Variants in DIP2C observed in about 807,000 individuals in gnomAD.
DIP2C encodes the protein DIP2 acetate--CoA ligase C (putative), also known as disco-interacting protein 2 homolog C.
DIP2C carries 33 observed loss-of-function variants against 192.4 expected under a neutral mutation model. The ratio of observed to expected loss-of-function variants is 0.17; its 90% CI spans 0.13 to 0.23. The LOEUF is 0.23. Ranked by LOEUF, DIP2C falls within the 10% of genes least tolerant of loss-of-function variation. DIP2C has a pLI of 1.00. For synonymous variants in DIP2C, 979 were observed against 864.1 expected (o/e 1.13, Z -2.33); for missense variants, 1,537 against 2,110.1 (o/e 0.73, Z 5.32).
intron 14 of DIP2C, among the ~76,000 whole-genome samples, chr10:385,016 C>G (rs1276057741): frequency 3.4e-5 from 5 of 148,890 alleles, no homozygotes; most frequent in African/African-American, 1.2e-4. Context: ...CAGCAGGTCT[C>G]AGAGAGTGCC....
At chr10:569,116 T>TG (rs1345657321) in intron 1 of DIP2C, among the ~76,000 whole-genome samples, 3 of 152,164 alleles carry the variant, frequency 2.0e-5, no homozygotes, top group Admixed American at 6.5e-5. Flanking sequence ...CCCCGAGCCT[T>TG]GGCCAGGGAA....
chr10:537,932 G>C (rs1422801451), intron 1 of DIP2C, among the ~76,000 whole-genome samples: 1 of 151,964 alleles, frequency 6.6e-6, no homozygotes, highest in East Asian at 1.9e-4. Flanking sequence ...CTGGATTACA[G>C]GCACGCGCCA....
intron 1 of DIP2C, among the ~76,000 whole-genome samples, chr10:518,225 A>C (rs1846486776): frequency 1.3e-5 from 2 of 152,224 alleles, no homozygotes; most frequent in South Asian, 4.1e-4. Flanking sequence ...GTCAGTTCCA[A>C]GCTTCTGGCA....
intron 25 of DIP2C, 144 bp from the exon 26 acceptor site, chr10:348,906 G>T: frequency 7.9e-7 from 1 of 1,273,134 alleles, no homozygotes; most frequent in Non-Finnish European, 1.1e-6. Context: ...ATCCTGGCGG[G>T]TTTTGTCAGC....
intron 1 of DIP2C, among the ~76,000 whole-genome samples, chr10:511,824 T>C (rs1846032130): frequency 6.6e-6 from 1 of 152,206 alleles, no homozygotes; most frequent in African/African-American, 2.4e-5. Context: ...AGGACTTCAT[T>C]ATTAGTTTTT....
At chr10:588,845 C>T (rs891366636) in intron 1 of DIP2C, among the ~76,000 whole-genome samples, 1 of 152,204 alleles carries the variant, frequency 6.6e-6, no homozygotes, top group African/African-American at 2.4e-5. Context: ...TGAACATCAG[C>T]TTCTGTTTCT....
chr10:595,707 C>T (rs979789516), intron 1 of DIP2C, among the ~76,000 whole-genome samples: 1 of 152,222 alleles, frequency 6.6e-6, no homozygotes, highest in South Asian at 2.1e-4. Context: ...CCCGCGCCCA[C>T]CCTGTGGAGC....
intron 1 of DIP2C, among the ~76,000 whole-genome samples, chr10:578,882 C>T (rs1850365421): frequency 6.6e-6 from 1 of 151,942 alleles, no homozygotes; most frequent in South Asian, 2.1e-4. Flanking sequence ...CATGTACGTG[C>T]ATAGAGCATA....
chr10:381,651 CTTG>C (rs1962385941), intron 17 of DIP2C, among the ~76,000 whole-genome samples: 3 of 152,326 alleles, frequency 2.0e-5, no homozygotes, highest in South Asian at 4.1e-4. Context: ...ACGTCCTGCT[CTTG>C]TTATTTCTGT....
intron 24 of DIP2C, among the ~76,000 whole-genome samples, chr10:355,157 C>G (rs989673733): frequency 6.6e-6 from 1 of 152,130 alleles, no homozygotes; most frequent in African/African-American, 2.4e-5. Flanking sequence ...CACCAGCGAA[C>G]GAGGGCCAGA....
intron 3 of DIP2C, among the ~76,000 whole-genome samples, chr10:453,264 A>T (rs1969000557): frequency 6.6e-6 from 1 of 152,200 alleles, no homozygotes; most frequent in Non-Finnish European, 1.5e-5. Context: ...TTACCCGGCC[A>T]CATGAATGAG....
At chr10:307,649 T>C (rs11251600) in intron 32 of DIP2C, among the ~76,000 whole-genome samples, 29,048 of 151,800 alleles carry the variant, frequency 0.19, 3,651 homozygotes, top group African/African-American at 0.35. Context: ...CAGACCTGGT[T>C]AGAAAGGTCA....
intron 1 of DIP2C, among the ~76,000 whole-genome samples, chr10:573,159 C>T (rs1164257213): frequency 1.3e-5 from 2 of 152,144 alleles, no homozygotes; most frequent in East Asian, 1.9e-4. Context: ...AGCATGTCAC[C>T]TCAAAAGGCA....
Position 276,422 on chromosome 10 carries a change from T to C in DIP2C, c.*903A>G, listed in dbSNP as rs1954521720. On this transcript the variant is annotated 3_prime_UTR_variant, in exon 37 of 37. Coordinates refer to ENST00000280886, the MANE Select transcript of DIP2C (RefSeq NM_014974.3). ...GTGACAAGTTCTGCATCTTAAACTT[T>C]AAAATCTCCTTTGTTCATTAGTGAA... 6.6e-6 allele frequency: 1 copy of C among 152,664 alleles called. No individual in the cohort carries two copies. Among genetic ancestry groups the C allele is most frequent in the African/African-American group, 2.4e-5 (1 of 41,450 alleles). The allele number at this position is 152,664 out of a possible 1,614,324, so 9.5% of individuals were successfully genotyped here.
chr10:351,442 G>A (rs1276704669), intron 24 of DIP2C, among the ~76,000 whole-genome samples: 1 of 152,188 alleles, frequency 6.6e-6, no homozygotes, highest in Non-Finnish European at 1.5e-5. Flanking sequence ...CAGGACCAGG[G>A]CTGCGGGGAG....
At chr10:618,630 G>A (rs1174742758) in intron 1 of DIP2C, among the ~76,000 whole-genome samples, 1 of 152,230 alleles carries the variant, frequency 6.6e-6, no homozygotes, top group African/African-American at 2.4e-5. Flanking sequence ...TCTCATGACA[G>A]ACTTTGTTTG....
intron 32 of DIP2C, among the ~76,000 whole-genome samples, chr10:294,409 C>A (rs1420837831): frequency 6.6e-6 from 1 of 151,968 alleles, no homozygotes; most frequent in Non-Finnish European, 1.5e-5. Flanking sequence ...GAGTTTGAGA[C>A]CAGCCTAGGC....
intron 4 of DIP2C, among the ~76,000 whole-genome samples, chr10:432,469 T>C (rs1328472477): frequency 1.3e-5 from 2 of 152,228 alleles, no homozygotes; most frequent in Admixed American, 6.5e-5. Context: ...TTTGTGGCCA[T>C]AGAGTTTTTC....
chr10:473,421 G>A lies in DIP2C; in HGVS notation c.158-872C>T, dbSNP rs113037896. On this transcript the variant is annotated intron_variant, in intron 2 of 36. Transcript: ENST00000280886. ...ATGTCATCCCCACAGTTCCGTGAAC[G>A]GCTCTGATACCACAGAAAGGACGTC... 8.6e-3 allele frequency among the ~76,000 whole-genome samples: 1,297 copies of A among 151,400 alleles called. 19 individuals are homozygous for A. The highest frequency in any genetic ancestry group is 0.03 in the African/African-American group (1,228 of 40,982).
Sources: gnomAD v4.1 joint callset for allele counts (sites outside exome capture counted in the v4.1 genomes callset) on GRCh38, gnomAD v4.1.1 for gene constraint, MANE v1.5 for transcripts, NCBI Gene and HGNC (gene_info 2026-07-23, HGNC 2026-07-21) for gene names.